TMEM164: variants seen among roughly 807,000 people sequenced by gnomAD.
The protein encoded by TMEM164 is transmembrane protein 164.
TMEM164 carries 4 observed loss-of-function variants against 18.8 expected under a neutral mutation model. That is an observed-to-expected ratio of 0.21 (90% confidence interval 0.10 to 0.49). The LOEUF (loss-of-function observed/expected upper bound fraction) is 0.49, where lower values mean the gene tolerates loss of function less well. Among genes scored for constraint, TMEM164 ranks in the 20% least tolerant of loss-of-function variants. TMEM164 has a pLI of 0.98. For synonymous variants in TMEM164, 86 were observed against 101.7 expected, an observed-to-expected ratio of 0.85 and a Z score of 0.93; for missense variants, 108 against 239.9, an observed-to-expected ratio of 0.45 and a Z score of 3.63.
At chrX:110,017,861 G>T (rs183468497) in intron 2 of TMEM164, among the ~76,000 whole-genome samples, 1 of 109,226 alleles carries the variant, frequency 9.2e-6, no homozygotes, top group East Asian at 3.0e-4. Flanking sequence ...GAGCCACTGC[G>T]CCCGGCCTGC....
chrX:110,018,244 C>G (rs1933590907), intron 2 of TMEM164, among the ~76,000 whole-genome samples: 1 of 112,243 alleles, frequency 8.9e-6, no homozygotes, highest in African/African-American at 3.2e-5. Context: ...AGAAAAACGT[C>G]AGAATAATCT....
At chrX:110,010,653 G>A (rs1266385468) in intron 2 of TMEM164, among the ~76,000 whole-genome samples, 1 of 111,852 alleles carries the variant, frequency 8.9e-6, no homozygotes, top group Non-Finnish European at 1.9e-5. Flanking sequence ...GAAGTAATTA[G>A]GTGGGAAGTT....
chrX:110,036,411 C>T (rs1381601926), intron 2 of TMEM164, among the ~76,000 whole-genome samples: 1 of 112,127 alleles, frequency 8.9e-6, no homozygotes, highest in African/African-American at 3.2e-5. Context: ...TCTTTCTGCC[C>T]CTTTTTTTGG....
intron 3 of TMEM164, chrX:110,082,062 G>C (rs2065766231): frequency 8.9e-6 from 1 of 112,836 alleles, no homozygotes. Context: ...ATGTACCTCA[G>C]TTGACATGTG....
At chrX:110,184,009 A>G (rs1271543983), downstream of TMEM164, among the ~76,000 whole-genome samples, 1 of 111,204 alleles carries the variant, frequency 9.0e-6, no homozygotes, top group Non-Finnish European at 1.9e-5. Context: ...GTCAAAACTC[A>G]TAGAATATAC....
At chrX:110,124,918 T>G (rs1175746835) in intron 4 of TMEM164, among the ~76,000 whole-genome samples, 1 of 112,213 alleles carries the variant, frequency 8.9e-6, no homozygotes, top group Non-Finnish European at 1.9e-5. Flanking sequence ...ATGTCTGAAA[T>G]GTAAGGACAC....
intron 2 of TMEM164, among the ~76,000 whole-genome samples, chrX:110,040,324 A>T (rs113034372): frequency 3.7e-4 from 41 of 111,887 alleles, no homozygotes; most frequent in Non-Finnish European, 6.4e-4. Context: ...TTTTATGTAT[A>T]GGTTTGCTTC....
intron 3 of TMEM164, among the ~76,000 whole-genome samples, chrX:110,090,051 G>T (rs950039208): frequency 2.7e-5 from 3 of 111,330 alleles, no homozygotes; most frequent in Admixed American, 9.6e-5. Context: ...ATTGCCTTTA[G>T]ATAGGTAGCC....
chrX:110,018,940 GAGAGCAGGAACA>G (rs1400858696), intron 2 of TMEM164, among the ~76,000 whole-genome samples: 1 of 112,191 alleles, frequency 8.9e-6, no homozygotes, highest in Non-Finnish European at 1.9e-5. Flanking sequence ...ATCATGTCTT[GAGAGCAGGAACA>G]TTTAAACATT....
At chrX:110,144,606 G>T (rs1184189158) in intron 4 of TMEM164, among the ~76,000 whole-genome samples, 192 bp from the exon 5 acceptor site, 1 of 110,935 alleles carries the variant, frequency 9.0e-6, no homozygotes, top group Non-Finnish European at 1.9e-5. Flanking sequence ...CATCTAGGAA[G>T]ATCCTGATCT....
At chrX:110,081,303 T>C (rs778114080) in intron 3 of TMEM164, among the ~76,000 whole-genome samples, 1 of 111,697 alleles carries the variant, frequency 9.0e-6, no homozygotes, top group Non-Finnish European at 1.9e-5. Flanking sequence ...GATTACTTCG[T>C]GGCAGAGTCA....
intron 3 of TMEM164, among the ~76,000 whole-genome samples, chrX:110,104,061 C>G (rs754555096): frequency 1.8e-5 from 2 of 111,916 alleles, no homozygotes; most frequent in South Asian, 7.4e-4. Flanking sequence ...TGAATAAATA[C>G]ATGTAGACAC....
intron 6 of TMEM164, among the ~76,000 whole-genome samples, chrX:110,172,936 C>T (rs2067250526): frequency 8.9e-6 from 1 of 111,903 alleles, no homozygotes. Context: ...CCTGTAACAC[C>T]TCTCCGGGGT....
chrX:110,032,533 A>C (rs906223105), intron 2 of TMEM164, among the ~76,000 whole-genome samples: 3 of 111,921 alleles, frequency 2.7e-5, no homozygotes, highest in Non-Finnish European at 5.6e-5. Context: ...AGCAGAACTC[A>C]AAACTCAGAG....
intron 4 of TMEM164, among the ~76,000 whole-genome samples, chrX:110,133,492 G>C (rs1391602894): frequency 8.9e-6 from 1 of 111,909 alleles, no homozygotes; most frequent in Non-Finnish European, 1.9e-5. Context: ...TATTGGATTA[G>C]GACCCACCCA....
At chrX:110,149,463 C>T (rs938659915) in intron 5 of TMEM164, among the ~76,000 whole-genome samples, 1 of 111,934 alleles carries the variant, frequency 8.9e-6, no homozygotes, top group African/African-American at 3.3e-5. Context: ...TGGTATTGAT[C>T]ACTCCGTTTT....
At chrX:110,052,838 C>T (rs1733931093) in intron 2 of TMEM164, among the ~76,000 whole-genome samples, 1 of 105,919 alleles carries the variant, frequency 9.4e-6, no homozygotes, top group Non-Finnish European at 1.9e-5. Flanking sequence ...GCACCTTCCG[C>T]CTTCCAGGTT....
chrX:110,038,835 G>T (rs756629429), intron 2 of TMEM164, among the ~76,000 whole-genome samples: 4 of 93,835 alleles, frequency 4.3e-5, no homozygotes, highest in Admixed American at 2.4e-4. Context: ...AAAAGTTCTT[G>T]TCTTGAGTTA....
intron 2 of TMEM164, 39 bp downstream of exon 2, chrX:110,004,203 AAG>A (rs1932527912): frequency 1.0e-5 from 12 of 1,164,896 alleles, no homozygotes; most frequent in Non-Finnish European, 1.4e-5. Context: ...CCTAAGTGAT[AAG>A]AGTCATTTAT....
Sources: allele counts gnomAD v4.1 joint callset (sites outside exome capture counted in the v4.1 genomes callset), GRCh38; gene constraint gnomAD v4.1.1; transcripts MANE v1.5; gene names NCBI Gene and HGNC (gene_info 2026-07-23, HGNC 2026-07-21).